Variants in DCLRE1A observed in about 807,000 individuals in gnomAD.
DCLRE1A encodes DNA cross-link repair 1A.
DCLRE1A carries 64 observed loss-of-function variants against 91.9 expected under a neutral mutation model. The observed-to-expected ratio is 0.70, with a 90% CI of 0.57 to 0.86. DCLRE1A has a LOEUF of 0.86. DCLRE1A is among the 40% of genes least tolerant of loss of function. The pLI is 0.00. For missense variants in DCLRE1A, 1,145 were observed against 1,213.3 expected (o/e 0.94, Z 0.84); for synonymous variants, 416 against 431.1 (o/e 0.96, Z 0.43).
Position 113,850,656 on chromosome 10 carries a change from A to G in DCLRE1A, c.461-12T>C. On this transcript the variant is annotated splice_polypyrimidine_tract_variant and intron_variant, in intron 1 of 8. Coordinates refer to ENST00000361384, the MANE Select transcript of DCLRE1A (RefSeq NM_014881.5). ...ACCATCAGGACACTCTGAAATTTTA[A>G]TAAAGAAAAAATATTACACGATCAA... is the stretch of plus-strand genomic sequence containing the variant. 1 of 1,559,370 alleles carries G rather than the reference A, an allele frequency of 6.4e-7. No individual in the cohort carries two copies. The highest frequency in any genetic ancestry group is 1.2e-5 in the South Asian group (1 of 83,190).
At chr10:113,847,141 C>T in intron 3 of DCLRE1A, 61 bp downstream of exon 3, 1 of 1,413,792 alleles carries the variant, frequency 7.1e-7, no homozygotes, top group Non-Finnish European at 9.5e-7. Flanking sequence ...TATTTTTTAA[C>T]CAAATTGCTT....
At chr10:113,852,322 A>T (rs1457858376) in intron 1 of DCLRE1A, among the ~76,000 whole-genome samples, 1 of 152,232 alleles carries the variant, frequency 6.6e-6, no homozygotes, top group African/African-American at 2.4e-5. Context: ...GGCAACAGAG[A>T]GAGACTCCGT....
chr10:113,846,995 G>A (rs943340255), intron 3 of DCLRE1A, among the ~76,000 whole-genome samples: 1 of 151,950 alleles, frequency 6.6e-6, no homozygotes, highest in Non-Finnish European at 1.5e-5. Context: ...TTTATCTTTT[G>A]TTTCCATGTA....
Position 113,850,392 on chromosome 10 carries a change from G to C in DCLRE1A, c.713C>G (p.Ser238Cys). Reference sequence around the variant, plus strand: ...TTCACTGGCTTCAGTCAGAGACGGAGACTTTTTAAAATACTGTGTCATCAA... The same window carrying C: ...TTCACTGGCTTCAGTCAGAGACGGACACTTTTTAAAATACTGTGTCATCAA... ...PLLMTQYFKK[S>C]PSLTEASEKI... is the part of the protein sequence containing the mutation. Residue 238 changes from serine (S) to cysteine (C), a missense_variant, in exon 2 of 9, where the codon TCT becomes TGT. Physicochemically the swap from Ser to Cys is moderately radical, Grantham distance 112 (BLOSUM62 -1). Coordinates refer to ENST00000361384, the MANE Select transcript of DCLRE1A (RefSeq NM_014881.5). 1 of 1,614,212 alleles carries C rather than the reference G, an allele frequency of 6.2e-7. No individual in the cohort carries two copies. The highest frequency in any genetic ancestry group is 1.3e-5 in the African/African-American group (1 of 75,058).
intron 2 of DCLRE1A, 148 bp from the exon 3 acceptor site, chr10:113,847,483 G>C (rs1156959803): frequency 1.4e-5 from 13 of 911,810 alleles, no homozygotes; most frequent in Non-Finnish European, 1.8e-5. Flanking sequence ...TTTAACAAAA[G>C]GTAACACTAA....
chr10:113,847,641 A>G (rs1263550560), intron 2 of DCLRE1A, among the ~76,000 whole-genome samples: 1 of 152,218 alleles, frequency 6.6e-6, no homozygotes, highest in Non-Finnish European at 1.5e-5. Flanking sequence ...AATACTTAGC[A>G]CTTTACTTCT....
At chr10:113,837,790 C>A (rs916492415) in intron 7 of DCLRE1A, among the ~76,000 whole-genome samples, 47 of 152,216 alleles carry the variant, frequency 3.1e-4, no homozygotes, top group Non-Finnish European at 6.5e-4. Flanking sequence ...CCTTATAAGT[C>A]TTGAGTAGGA....
chr10:113,847,314 G>A lies in DCLRE1A; in HGVS notation c.2147C>T (p.Ala716Val), dbSNP rs960905057. The A allele has an allele frequency of 1.9e-6, 3 of 1,613,652 alleles. No individual in the cohort carries two copies. Among genetic ancestry groups the A allele is most frequent in the Non-Finnish European group, 2.5e-6 (3 of 1,179,828 alleles). ...KIPGTGFTVD[A>V]FQYGVVEGCT... ...ACCTTCAACCACGCCATACTGAAAG[G>A]CATCAACTGTAAAGCCGGTTCCTGC... Residue 716 changes from alanine to valine, a missense_variant, in exon 3 of 9, where the codon GCC becomes GTC. Transcript: ENST00000361384.
chr10:113,843,498 A>G (rs1845479831), intron 5 of DCLRE1A, among the ~76,000 whole-genome samples: 2 of 152,218 alleles, frequency 1.3e-5, no homozygotes, highest in African/African-American at 4.8e-5. Flanking sequence ...TCCTTGAAAC[A>G]GGTTGAAATG....
chr10:113,849,221 A>G lies in DCLRE1A; in HGVS notation c.1884T>C (p.Ser628=). ...TCTTTTTTTGACGCTGTGACCTCTCACTAGAAAGTTCCACAGAAAGCTGAC... is the reference window on the plus strand; with the variant it reads ...TCTTTTTTTGACGCTGTGACCTCTCGCTAGAAAGTTCCACAGAAAGCTGAC... ...HESQLSVELS[S]ERSQRQKKRC... The change falls in exon 2 of 9, where the codon AGT becomes AGC. Residue 628 remains serine, a synonymous_variant. Transcript: ENST00000361384. 1 of 1,614,032 alleles carries G rather than the reference A, an allele frequency of 6.2e-7. No individual in the cohort carries two copies. The highest frequency in any genetic ancestry group is 8.5e-7 in the Non-Finnish European group (1 of 1,179,990).
chr10:113,848,005 TTAGGATCATTTAAAGTA>T (rs1845567569), intron 2 of DCLRE1A, among the ~76,000 whole-genome samples: 1 of 152,154 alleles, frequency 6.6e-6, no homozygotes, highest in Non-Finnish European at 1.5e-5. Context: ...ACACATGGTT[TTAGGATCATTTAAAGTA>T]TAGAAAATTG....
chr10:113,851,414 GTAT>G (rs1454345623), intron 1 of DCLRE1A, among the ~76,000 whole-genome samples: 4 of 151,786 alleles, frequency 2.6e-5, no homozygotes, highest in Non-Finnish European at 5.9e-5. Flanking sequence ...GCCATATTGA[GTAT>G]TTTTTTATTT....
chr10:113,849,549 G>T lies in DCLRE1A; in HGVS notation c.1556C>A (p.Thr519Lys), dbSNP rs1330137847. 6.2e-7 allele frequency: 1 copy of T among 1,613,668 alleles called. No individual in the cohort carries two copies. The highest frequency in any genetic ancestry group is 1.1e-5 in the South Asian group (1 of 91,064). The change falls in exon 2 of 9, where the codon ACA (threonine) becomes AAA (lysine). Residue 519 changes from threonine (T) to lysine (K), a missense_variant. Transcript: ENST00000361384. Reference protein sequence around the residue: ...ALEGVPVGKATILNTENLSST... With the variant: ...ALEGVPVGKAKILNTENLSST... ...AGACAAGTTTTCTGTATTTAAAATT[G>T]TAGCTTTACCAACTGGCACACCCTC...
Position 113,849,078 on chromosome 10 carries a change from G to A in DCLRE1A, c.2027C>T (p.Ala676Val). 1 of 1,614,094 alleles carries A rather than the reference G, an allele frequency of 6.2e-7. No homozygotes were observed. Among genetic ancestry groups the A allele is most frequent in the Non-Finnish European group, 8.5e-7 (1 of 1,180,026 alleles). ...GTTGCCCCTTTGCAGCCCACCATGA[G>A]CTGATTTTGTGAAGACTTTGACTTT... ...LSKVKVFTKS[A>V]HGGLQRGNKK... Residue 676 changes from alanine to valine, a missense_variant, in exon 2 of 9, where the codon GCT (alanine) becomes GTT (valine). By Grantham distance (64) the Ala-to-Val change is moderately conservative. Coordinates refer to ENST00000361384, the MANE Select transcript of DCLRE1A (RefSeq NM_014881.5).
chr10:113,845,755 T>C lies in DCLRE1A; in HGVS notation c.2308A>G (p.Ile770Val). ...TCAGTGTCCAGTGGCAATGGGTGAA[T>C]ATATTGTTCTTGCACATGAAGCTTG... ...KNKLHVQEQY[I>V]HPLPLDTECI... The change falls in exon 4 of 9, where the codon ATT (isoleucine) becomes GTT (valine). Residue 770 changes from isoleucine to valine, a missense_variant. Coordinates refer to ENST00000361384, the MANE Select transcript of DCLRE1A (RefSeq NM_014881.5). 1 of 1,614,168 alleles carries C rather than the reference T, an allele frequency of 6.2e-7. No homozygotes were observed. The highest frequency in any genetic ancestry group is 8.5e-7 in the Non-Finnish European group (1 of 1,180,006).
rs142250904 is a variant in DCLRE1A, at chr10:113,850,500, T to G, written c.605A>C (p.Lys202Thr). ...CTCAAGGCTACAAAGGACGCCTGAC[T>G]TAGTCTCACTGAAACTGCCACCTGA... is the stretch of plus-strand genomic sequence containing the variant. The part of the protein sequence containing the change: ...PASGGSFSET[K>T]SGVLCSLEER... Residue 202 changes from lysine to threonine, a missense_variant, in exon 2 of 9, where the codon AAG becomes ACG. Lys to Thr is a moderately conservative substitution (Grantham distance 78). Transcript: ENST00000361384. 1 of 1,614,004 alleles carries G rather than the reference T, an allele frequency of 6.2e-7. No homozygotes were observed. The highest frequency in any genetic ancestry group is 8.5e-7 in the Non-Finnish European group (1 of 1,180,000).
chr10:113,852,265 A>G (rs1845663127), intron 1 of DCLRE1A, among the ~76,000 whole-genome samples: 1 of 152,182 alleles, frequency 6.6e-6, no homozygotes, highest in Admixed American at 6.5e-5. Flanking sequence ...GAACCTAGGA[A>G]GCGGAGCTTG....
At chr10:113,843,549 T>C (rs1368755181) in intron 5 of DCLRE1A, among the ~76,000 whole-genome samples, 2 of 152,194 alleles carry the variant, frequency 1.3e-5, no homozygotes, top group Non-Finnish European at 2.9e-5. Context: ...TATTTTAATA[T>C]ATAAAATCAC....
intron 2 of DCLRE1A, among the ~76,000 whole-genome samples, chr10:113,848,381 G>T (rs1261533442): frequency 3.3e-5 from 5 of 152,130 alleles, no homozygotes; most frequent in Non-Finnish European, 7.4e-5. Flanking sequence ...CTGATGTTAT[G>T]AAGTATATAA....
Sources: gnomAD v4.1 joint callset for allele counts (sites outside exome capture counted in the v4.1 genomes callset) on GRCh38, gnomAD v4.1.1 for gene constraint, MANE v1.5 for transcripts, NCBI Gene and HGNC (gene_info 2026-07-23, HGNC 2026-07-21) for gene names.